Variants in RGS6 observed in about 807,000 individuals in gnomAD.
RGS6 encodes regulator of G-protein signaling 6.
RGS6 carries 30 observed loss-of-function variants against 78.5 expected under a neutral mutation model. The ratio of observed to expected loss-of-function variants is 0.38; its 90% CI spans 0.29 to 0.52. The LOEUF (loss-of-function observed/expected upper bound fraction) is 0.52, where lower values mean the gene tolerates loss of function less well. RGS6 is among the 20% of genes least tolerant of loss of function. The probability of loss-of-function intolerance (pLI) is 0.85; values close to 1 mark genes in which losing one functional copy is unlikely to be tolerated. For missense variants in RGS6, 495 were observed against 609.7 expected (o/e 0.81, Z 1.98); for synonymous variants, 206 against 206.0 (o/e 1.00, Z 0.00).
chr14:72,408,439 C>G (rs971962238), intron 3 of RGS6, among the ~76,000 whole-genome samples: 1 of 152,138 alleles, frequency 6.6e-6, no homozygotes, highest in African/African-American at 2.4e-5. Flanking sequence ...GTTCTCAGTC[C>G]TGTAGGTAAC....
intron 15 of RGS6, among the ~76,000 whole-genome samples, chr14:72,534,672 G>A (rs934007454): frequency 2.0e-5 from 3 of 152,198 alleles, no homozygotes; most frequent in Non-Finnish European, 4.4e-5. Flanking sequence ...TGGGTAAGGA[G>A]TGAGTCTTGG....
chr14:72,153,025 C>G (rs1277791824), intron 2 of RGS6, among the ~76,000 whole-genome samples: 2 of 152,152 alleles, frequency 1.3e-5, no homozygotes, highest in Non-Finnish European at 2.9e-5. Context: ...CTGCAAATGG[C>G]ATGAACTTCC....
chr14:72,470,177 A>T (rs2096034548), intron 8 of RGS6, 94 bp downstream of exon 8: 1 of 910,040 alleles, frequency 1.1e-6, no homozygotes, highest in Admixed American at 1.8e-5. Flanking sequence ...AAGTTTCCAG[A>T]TGGCGTTAGT....
intron 2 of RGS6, among the ~76,000 whole-genome samples, chr14:72,071,174 C>G (rs181197208): frequency 9.9e-5 from 15 of 152,164 alleles, no homozygotes; most frequent in Admixed American, 5.2e-4. Context: ...CTTATGTAAT[C>G]TTTTGCAATT....
At chr14:72,443,643 C>T (rs1246544277) in intron 3 of RGS6, among the ~76,000 whole-genome samples, 1 of 152,196 alleles carries the variant, frequency 6.6e-6, no homozygotes, top group Non-Finnish European at 1.5e-5. Context: ...TTCAAATTTG[C>T]ACAAATGAAG....
chr14:72,169,311 C>A (rs1251809073), intron 2 of RGS6, among the ~76,000 whole-genome samples: 1 of 152,068 alleles, frequency 6.6e-6, no homozygotes, highest in Non-Finnish European at 1.5e-5. Context: ...TTAATGTAAG[C>A]TCTGTGGAAT....
At chr14:71,959,763 C>T (rs1412075632) in intron 1 of RGS6, among the ~76,000 whole-genome samples, 3 of 152,160 alleles carry the variant, frequency 2.0e-5, no homozygotes, top group African/African-American at 7.2e-5. Context: ...TGGCCAAACC[C>T]TGGCTTAGAA....
At chr14:72,179,511 A>T (rs1404799765) in intron 2 of RGS6, among the ~76,000 whole-genome samples, 1 of 152,206 alleles carries the variant, frequency 6.6e-6, no homozygotes, top group Non-Finnish European at 1.5e-5. Context: ...CATGGCAGGG[A>T]CAGGAAAGGG....
chr14:71,907,605 T>C, the RGS6 span, among the ~76,000 whole-genome samples: 1 of 151,900 alleles, frequency 6.6e-6, no homozygotes, highest in African/African-American at 2.4e-5. Context: ...TGGGGAGCCA[T>C]TGATCAGTGG....
intron 2 of RGS6, among the ~76,000 whole-genome samples, chr14:72,093,913 GA>G (rs2095342206): frequency 6.6e-6 from 1 of 152,046 alleles, no homozygotes. Flanking sequence ...GAGGTAAACA[GA>G]ACAGAAATAA....
chr14:71,998,380 C>T (rs1417302003), intron 2 of RGS6, among the ~76,000 whole-genome samples: 1 of 152,152 alleles, frequency 6.6e-6, no homozygotes, highest in African/African-American at 2.4e-5. Flanking sequence ...AAGATATTTT[C>T]CTTTCACATT....
At chr14:72,576,907 T>C in the RGS6 span, among the ~76,000 whole-genome samples, 2 of 152,262 alleles carry the variant, frequency 1.3e-5, no homozygotes, top group Non-Finnish European at 2.9e-5. Flanking sequence ...TGAGATGCCT[T>C]GTGCCTTTCA....
intron 2 of RGS6, among the ~76,000 whole-genome samples, chr14:72,243,376 T>G (rs903800307): frequency 6.6e-6 from 1 of 152,160 alleles, no homozygotes; most frequent in Non-Finnish European, 1.5e-5. Flanking sequence ...CACCCTTGAT[T>G]TGAACATCCC....
chr14:72,477,706 A>T (rs1598100129), intron 11 of RGS6, among the ~76,000 whole-genome samples: 1 of 151,904 alleles, frequency 6.6e-6, no homozygotes, highest in East Asian at 1.9e-4. Flanking sequence ...CTGAGACAGC[A>T]GAATCACTTG....
chr14:71,965,231 G>T (rs1358166253), intron 2 of RGS6, among the ~76,000 whole-genome samples: 1 of 152,172 alleles, frequency 6.6e-6, no homozygotes, highest in African/African-American at 2.4e-5. Flanking sequence ...GAATGCTGTG[G>T]GAGATAGAGA....
chr14:71,990,957 A>G (rs761693262), intron 2 of RGS6: 50 of 423,702 alleles, frequency 1.2e-4, no homozygotes, highest in Non-Finnish European at 2.2e-4. Context: ...ATTCTCTTTG[A>G]CAGGCCTAAT....
At chr14:72,566,774 T>C (rs1328111384), downstream of RGS6, among the ~76,000 whole-genome samples, 1 of 151,922 alleles carries the variant, frequency 6.6e-6, no homozygotes, top group Non-Finnish European at 1.5e-5. Context: ...GTAGAGACAG[T>C]GGTGTCACCA....
chr14:71,905,876 G>A, the RGS6 span, among the ~76,000 whole-genome samples: 3 of 152,184 alleles, frequency 2.0e-5, no homozygotes, highest in Non-Finnish European at 4.4e-5. Flanking sequence ...TTGTGTGGCA[G>A]CACCACATCT....
intron 3 of RGS6, among the ~76,000 whole-genome samples, chr14:72,355,205 T>G (rs1388257431): frequency 7.2e-5 from 11 of 151,978 alleles, no homozygotes; most frequent in Admixed American, 2.0e-4. Flanking sequence ...GTTCTTTTTT[T>G]TTTTTTAGAC....
Sources: allele counts gnomAD v4.1 joint callset (sites outside exome capture counted in the v4.1 genomes callset), GRCh38; gene constraint gnomAD v4.1.1; transcripts MANE v1.5; gene names NCBI Gene and HGNC (gene_info 2026-07-23, HGNC 2026-07-21).